Variants in ASS1 observed in about 807,000 individuals in gnomAD.
The protein encoded by ASS1 is argininosuccinate synthase.
A neutral mutation model predicts 60.5 loss-of-function variants in ASS1; 58 were observed. That is an observed-to-expected ratio of 0.96 (90% confidence interval 0.78 to 1.19). ASS1 has a LOEUF of 1.19. Among genes scored for constraint, ASS1 ranks in the 50% most tolerant of loss-of-function variants. ASS1 has a pLI of 0.00. For missense variants in ASS1, 454 were observed against 547.3 expected (o/e 0.83, Z 1.70); for synonymous variants, 200 against 206.9 (o/e 0.97, Z 0.29).
chr9:130,471,436 A>T, intron 7 of ASS1, 49 bp from the exon 8 acceptor site: 1 of 1,606,470 alleles, frequency 6.2e-7, no homozygotes, highest in African/African-American at 1.3e-5. Context: ...GGATGGGGAC[A>T]TGCCATGTCC....
chr9:130,464,343 A>AG (rs1845675041), intron 5 of ASS1, among the ~76,000 whole-genome samples, 176 bp downstream of exon 5: 1 of 152,172 alleles, frequency 6.6e-6, no homozygotes, highest in Non-Finnish European at 1.5e-5. Flanking sequence ...GGCCAGCTCC[A>AG]GGGGACACAC....
intron 1 of ASS1, chr9:130,451,853 C>G: frequency 4.2e-6 from 2 of 476,350 alleles, no homozygotes; most frequent in Non-Finnish European, 8.3e-6. Flanking sequence ...AGAGCCAAGG[C>G]CCCTCCCACA....
At chr9:130,496,258 T>G (rs1846599902) in intron 13 of ASS1, among the ~76,000 whole-genome samples, 1 of 151,186 alleles carries the variant, frequency 6.6e-6, no homozygotes, top group African/African-American at 2.4e-5. Context: ...TCATCTCTAC[T>G]AAAAATAAAA....
chr9:130,464,310 G>T, intron 5 of ASS1, 143 bp downstream of exon 5: 1 of 989,776 alleles, frequency 1.0e-6, no homozygotes, highest in Non-Finnish European at 1.6e-6. Context: ...TGGACAGCCT[G>T]CTGGGGAGGC....
intron 1 of ASS1, among the ~76,000 whole-genome samples, chr9:130,447,989 A>G (rs1178978401): frequency 1.3e-5 from 2 of 151,942 alleles, no homozygotes; most frequent in African/African-American, 2.4e-5. Context: ...CAGTTATGCT[A>G]GAGAGCTGAA....
chr9:130,489,601 C>A lies in ASS1; in HGVS notation c.970+137C>A, dbSNP rs1846398478. ...CGCCCACTGCCATCCTCATGTGAGACCCCAAAAGGTGCAGGCCAAAGGGGG... is the reference window on the plus strand; with the variant it reads ...CGCCCACTGCCATCCTCATGTGAGAACCCAAAAGGTGCAGGCCAAAGGGGG... On this transcript the variant is annotated intron_variant, in intron 12 of 14. Transcript: ENST00000352480. The surrounding 1 kb of genome is among the most constrained non-coding windows in gnomAD (Gnocchi z 4.1). 1 of 1,443,852 alleles carries A rather than the reference C, an allele frequency of 6.9e-7. No individual in the cohort carries two copies. The highest frequency in any genetic ancestry group is 2.3e-5 in the East Asian group (1 of 43,888). 89.4% of individuals were successfully genotyped at this position (1,443,852 alleles called of 1,614,324 possible). A position where few individuals can be genotyped will look rare whatever the true frequency, so the allele number is the denominator to read the frequency against.
At chr9:130,456,225 G>T (rs1157898465) in intron 3 of ASS1, among the ~76,000 whole-genome samples, 1 of 152,168 alleles carries the variant, frequency 6.6e-6, no homozygotes, top group South Asian at 2.1e-4. Context: ...CAGCACTTTG[G>T]CAGGCTGAGG....
At chr9:130,454,221 G>A (rs1845385832) in intron 2 of ASS1, 84 bp from the exon 3 acceptor site, 1 of 1,360,186 alleles carries the variant, frequency 7.4e-7, no homozygotes, top group Non-Finnish European at 1.0e-6. Flanking sequence ...CTGTAGCAGG[G>A]GGTGGGAGGC....
chr9:130,496,518 G>T (rs1332002835), intron 13 of ASS1, among the ~76,000 whole-genome samples: 1 of 151,180 alleles, frequency 6.6e-6, no homozygotes, highest in African/African-American at 2.4e-5. Flanking sequence ...TTGAGCCCAG[G>T]AGCTGGAGGC....
At chr9:130,496,871 G>C (rs1015276926) in intron 13 of ASS1, among the ~76,000 whole-genome samples, 27 of 152,256 alleles carry the variant, frequency 1.8e-4, no homozygotes, top group African/African-American at 5.1e-4. Context: ...ACTAGACGTG[G>C]GTCCCCTAAG....
intron 5 of ASS1, chr9:130,466,411 G>A: frequency 2.2e-6 from 1 of 455,432 alleles, no homozygotes; most frequent in Non-Finnish European, 4.1e-6. Flanking sequence ...CAAGGACCAT[G>A]AACCCCGTCT....
In ASS1 at chr9:130,489,343, G is replaced by A. The variant is rs569267797; in HGVS notation, c.849G>A (p.Glu283=). Residue 283 remains glutamate (E), a synonymous_variant, in exon 12 of 15, where the codon GAG becomes GAA. Coordinates refer to ENST00000352480, the MANE Select transcript of ASS1 (RefSeq NM_054012.4). This position sits in a 1 kb window ranked among gnomAD's most constrained non-coding sequence, Gnocchi z 4.1. ...TGGAAAAATGGCTAGGTATCTACGA[G>A]ACCCCAGCAGGCACCATCCTTTACC... The part of the protein sequence containing the change: ...FIGMKSRGIY[E]TPAGTILYHA... 1.3e-5 allele frequency: 21 copies of A among 1,613,516 alleles called. No individual in the cohort carries two copies. The South Asian group carries it at 2.2e-4, about 17-fold the overall frequency.
At chr9:130,474,213 G>T (rs1845957297) in intron 8 of ASS1, among the ~76,000 whole-genome samples, 1 of 151,976 alleles carries the variant, frequency 6.6e-6, no homozygotes, top group Non-Finnish European at 1.5e-5. Context: ...GAGCCACCGC[G>T]GAATGCAAAG....
At chr9:130,457,626 T>C (rs1237423143) in intron 3 of ASS1, among the ~76,000 whole-genome samples, 1 of 152,150 alleles carries the variant, frequency 6.6e-6, no homozygotes, top group East Asian at 1.9e-4. Flanking sequence ...GGGAGGATTT[T>C]AGCAGTATCC....
rs1347651940 is a variant in ASS1, at chr9:130,478,048, G to A, written c.688+1087G>A. On this transcript the variant is annotated intron_variant, in intron 9 of 14. Transcript: ENST00000352480. This position sits in a 1 kb window ranked among gnomAD's most constrained non-coding sequence, Gnocchi z 4.7. ...GCCTTGGGTGCACTCATCAAAAAAC[G>A]GACCACAGGCATGATGCTCACAGGT... Among the ~76,000 whole-genome samples the A allele has an allele frequency of 1.3e-5, 2 of 152,166 alleles. No individual in the cohort carries two copies. Among genetic ancestry groups the A allele is most frequent in the African/African-American group, 2.4e-5 (1 of 41,424 alleles).
Position 130,476,710 on chromosome 9 carries a change from C to G in ASS1, c.598-161C>G, listed in dbSNP as rs890695006. 1.4e-6 allele frequency: 1 copy of G among 718,486 alleles called. No individual in the cohort carries two copies. Among genetic ancestry groups the G allele is most frequent in the South Asian group, 1.5e-5 (1 of 66,520 alleles). 44.5% of individuals were successfully genotyped at this position (718,486 alleles called of 1,614,324 possible). On this transcript the variant is annotated intron_variant, in intron 8 of 14. Coordinates refer to ENST00000352480, the MANE Select transcript of ASS1 (RefSeq NM_054012.4). This position sits in a 1 kb window ranked among gnomAD's most constrained non-coding sequence, Gnocchi z 4.9. ...TTTCCCAGGCCTCTGGCAAGCGAGG[C>G]TGGTGCTAGGCTGAGGGCTGGGGAC...
At position 130,478,572 on chromosome 9, in the gene ASS1, G is replaced by A. The variant is rs895249166; in HGVS notation, c.689-1144G>A. On this transcript the variant is annotated intron_variant, in intron 9 of 14. Transcript: ENST00000352480. This position sits in a 1 kb window ranked among gnomAD's most constrained non-coding sequence, Gnocchi z 4.7. Reference sequence around the variant, plus strand: ...TCACTCTCTAGTTAATTTATTTGAAGTTTTAATCTAATTATTAACTATTTT... The same window carrying A: ...TCACTCTCTAGTTAATTTATTTGAAATTTTAATCTAATTATTAACTATTTT... Among the ~76,000 whole-genome samples the A allele has an allele frequency of 6.6e-6, 1 of 152,226 alleles. No individual in the cohort carries two copies. Among genetic ancestry groups the A allele is most frequent in the East Asian group, 1.9e-4 (1 of 5,188 alleles).
Position 130,494,756 on chromosome 9 carries a change from T to G in ASS1, c.971-111T>G. The G allele has an allele frequency of 7.2e-7, 1 of 1,396,804 alleles. No homozygotes were observed. The highest frequency in any genetic ancestry group is 1.0e-6 in the Non-Finnish European group (1 of 992,378). 86.5% of individuals were successfully genotyped at this position (1,396,804 alleles called of 1,614,324 possible). On this transcript the variant is annotated intron_variant, in intron 12 of 14. Transcript: ENST00000352480. This position sits in a 1 kb window ranked among gnomAD's most constrained non-coding sequence, Gnocchi z 4.3. ...GTGCCAGTCTCGCGGGAGGCAGTCATGGTCTGCATGGCGGGGTAAACCATG... is the reference window on the plus strand; with the variant it reads ...GTGCCAGTCTCGCGGGAGGCAGTCAGGGTCTGCATGGCGGGGTAAACCATG...
At position 130,476,706 on chromosome 9, in the gene ASS1, G is replaced by A. The variant is rs1005671457; in HGVS notation, c.598-165G>A. 5 of 705,152 alleles carry A rather than the reference G, an allele frequency of 7.1e-6. No homozygotes were observed. Among genetic ancestry groups the A allele is most frequent in the East Asian group, 5.2e-5 (2 of 38,426 alleles). 43.7% of individuals were successfully genotyped at this position (705,152 alleles called of 1,614,324 possible). ...TTTGTTTCCCAGGCCTCTGGCAAGC[G>A]AGGCTGGTGCTAGGCTGAGGGCTGG... On this transcript the variant is annotated intron_variant, in intron 8 of 14. Coordinates refer to ENST00000352480, the MANE Select transcript of ASS1 (RefSeq NM_054012.4). The surrounding 1 kb of genome is among the most constrained non-coding windows in gnomAD (Gnocchi z 4.9).
Sources: gnomAD v4.1 joint callset for allele counts (sites outside exome capture counted in the v4.1 genomes callset) on GRCh38, gnomAD v4.1.1 for gene constraint, Gnocchi (gnomAD v3.1) non-coding constraint, MANE v1.5 for transcripts, NCBI Gene and HGNC (gene_info 2026-07-23, HGNC 2026-07-21) for gene names.